MAN2A1: variants seen among roughly 807,000 people sequenced by gnomAD.
MAN2A1 encodes alpha-mannosidase 2.
A neutral mutation model predicts 142.6 loss-of-function variants in MAN2A1; 76 were observed. The ratio of observed to expected loss-of-function variants is 0.53; its 90% CI spans 0.44 to 0.65. The LOEUF (loss-of-function observed/expected upper bound fraction) is 0.65, where lower values mean the gene tolerates loss of function less well. Ranked by LOEUF, MAN2A1 falls within the 30% of genes least tolerant of loss-of-function variation. The pLI, the probability that MAN2A1 is intolerant of heterozygous loss-of-function variation, is 0.00. For missense variants in MAN2A1, 1,311 were observed against 1,365.1 expected, an observed-to-expected ratio of 0.96 and a Z score of 0.62; for synonymous variants, 559 against 473.2, an observed-to-expected ratio of 1.18 and a Z score of -2.35.
chr5:109,713,802 TG>T, intron 2 of MAN2A1, 28 bp downstream of exon 2: 1 of 1,536,686 alleles, frequency 6.5e-7, no homozygotes, highest in Non-Finnish European at 8.8e-7. Flanking sequence ...TAATAATCAC[TG>T]GCCTTTTTTT....
chr5:109,790,387 A>C (rs1480912364), intron 12 of MAN2A1, among the ~76,000 whole-genome samples: 1 of 151,968 alleles, frequency 6.6e-6, no homozygotes, highest in Non-Finnish European at 1.5e-5. Context: ...TTTGTTAAGC[A>C]TAGACTAAAG....
intron 1 of MAN2A1, among the ~76,000 whole-genome samples, chr5:109,691,395 A>G (rs1291358078): frequency 7.9e-5 from 12 of 152,198 alleles, no homozygotes; most frequent in Admixed American, 7.8e-4. Context: ...CACTTCAGAA[A>G]TTGCGGTGAA....
intron 3 of MAN2A1, among the ~76,000 whole-genome samples, chr5:109,718,806 A>C (rs939681567): frequency 1.1e-4 from 17 of 152,154 alleles, no homozygotes; most frequent in African/African-American, 3.9e-4. Context: ...TGTGTTGGGA[A>C]TGCCTAGAAT....
chr5:109,804,759 A>AC (rs1754120903), intron 12 of MAN2A1, among the ~76,000 whole-genome samples: 1 of 152,112 alleles, frequency 6.6e-6, no homozygotes, highest in Admixed American at 6.6e-5. Context: ...TCCTCTATTC[A>AC]CCTGGAAACC....
rs1404177518 is a variant in MAN2A1, at chr5:109,819,287, T to TA, written c.2110-381dup. 7.2e-5 allele frequency among the ~76,000 whole-genome samples: 11 copies of TA among 152,284 alleles called. No homozygotes were observed. In the South Asian group the frequency reaches 1.2e-3, roughly 17 times the overall value. ...AGGTGTATTAAACACCTTTTTGACT[T>TA]ACGATATTTTCAAATTCTAATTGGA... is the stretch of plus-strand genomic sequence containing the variant. On this transcript the variant is annotated intron_variant, in intron 13 of 21. Transcript: ENST00000261483.
chr5:109,760,646 T>G (rs1055337325), intron 5 of MAN2A1, among the ~76,000 whole-genome samples: 11 of 152,182 alleles, frequency 7.2e-5, no homozygotes, highest in Admixed American at 5.9e-4. Flanking sequence ...ATCTGTTGTT[T>G]CCTCACTTTT....
chr5:109,827,598 T>C (rs887514205), intron 16 of MAN2A1, among the ~76,000 whole-genome samples: 3 of 152,240 alleles, frequency 2.0e-5, no homozygotes, highest in Middle Eastern at 3.2e-3. Context: ...TGTTTCTCTA[T>C]CTGCATTCTC....
intron 4 of MAN2A1, among the ~76,000 whole-genome samples, chr5:109,737,713 G>A (rs1339930160): frequency 1.3e-5 from 2 of 152,076 alleles, no homozygotes; most frequent in African/African-American, 4.8e-5. Context: ...CATTAGTGAT[G>A]TAGACACACA....
chr5:109,781,044 GC>G, intron 8 of MAN2A1, among the ~76,000 whole-genome samples: 1 of 152,136 alleles, frequency 6.6e-6, no homozygotes, highest in East Asian at 1.9e-4. Flanking sequence ...TTTTGCTGCT[GC>G]CCTCATCTTT....
chr5:109,778,981 A>C (rs1753370679), intron 8 of MAN2A1, among the ~76,000 whole-genome samples: 1 of 152,158 alleles, frequency 6.6e-6, no homozygotes, highest in Non-Finnish European at 1.5e-5. Context: ...TCCTGATAGA[A>C]TTCTTACATT....
intron 5 of MAN2A1, among the ~76,000 whole-genome samples, chr5:109,765,836 G>C (rs1239323181): frequency 8.5e-5 from 13 of 152,076 alleles, no homozygotes. Flanking sequence ...CTTTTCCTGA[G>C]TTATTTTAAT....
At chr5:109,733,005 T>C (rs1398435798) in intron 4 of MAN2A1, among the ~76,000 whole-genome samples, 1 of 152,230 alleles carries the variant, frequency 6.6e-6, no homozygotes, top group East Asian at 1.9e-4. Flanking sequence ...GCATGGAATG[T>C]TCTTCCATTT....
intron 4 of MAN2A1, among the ~76,000 whole-genome samples, chr5:109,735,056 C>A (rs892656712): frequency 6.6e-6 from 1 of 152,134 alleles, no homozygotes; most frequent in African/African-American, 2.4e-5. Flanking sequence ...CTGGGTGCTC[C>A]TGTATTGGGT....
At chr5:109,708,815 G>A (rs978664631) in intron 1 of MAN2A1, among the ~76,000 whole-genome samples, 3 of 152,100 alleles carry the variant, frequency 2.0e-5, no homozygotes, top group Non-Finnish European at 2.9e-5. Context: ...GAGGAAAAGC[G>A]GCCAGGCTCT....
intron 13 of MAN2A1, among the ~76,000 whole-genome samples, chr5:109,818,217 C>T (rs1027794551): frequency 3.9e-4 from 60 of 151,964 alleles, no homozygotes; most frequent in Admixed American, 3.7e-3. Context: ...CTCGGCGCAC[C>T]GCAACCTCTG....
chr5:109,738,942 C>G (rs1384632751), intron 4 of MAN2A1, among the ~76,000 whole-genome samples: 1 of 152,034 alleles, frequency 6.6e-6, no homozygotes, highest in African/African-American at 2.4e-5. Context: ...CTCCTGGGCT[C>G]AGGTGATCCT....
At chr5:109,719,100 A>G (rs74535213) in intron 3 of MAN2A1, among the ~76,000 whole-genome samples, 4,009 of 152,152 alleles carry the variant, frequency 0.026, 72 homozygotes, top group Non-Finnish European at 0.039. Flanking sequence ...GTTTGTTTGC[A>G]TTACTATTCC....
intron 6 of MAN2A1, among the ~76,000 whole-genome samples, chr5:109,769,914 T>G (rs1753096642): frequency 6.6e-6 from 1 of 152,142 alleles, no homozygotes. Flanking sequence ...CTTCCATCCC[T>G]TTTTTACTCC....
intron 12 of MAN2A1, among the ~76,000 whole-genome samples, chr5:109,799,463 C>CA (rs758901079): frequency 1.3e-5 from 2 of 151,946 alleles, no homozygotes; most frequent in Non-Finnish European, 2.9e-5. Context: ...TTAAAAAAAA[C>CA]AAAAAAGCAG....
Sources: allele counts gnomAD v4.1 joint callset (sites outside exome capture counted in the v4.1 genomes callset), GRCh38; gene constraint gnomAD v4.1.1; transcripts MANE v1.5; gene names NCBI Gene and HGNC (gene_info 2026-07-23, HGNC 2026-07-21).